The following DENND4A variants were observed in gnomAD, a reference collection of about 807,000 sequenced individuals.
The protein encoded by DENND4A is C-myc promoter-binding protein.
DENND4A carries 70 observed loss-of-function variants against 199.3 expected under a neutral mutation model. That is an observed-to-expected ratio of 0.35 (90% CI 0.29 to 0.43). The LOEUF is 0.43. Ranked by LOEUF, DENND4A falls within the 20% of genes least tolerant of loss-of-function variation. The pLI, the probability that DENND4A is intolerant of heterozygous loss-of-function variation, is 1.00. For synonymous variants in DENND4A, 686 were observed against 766.9 expected (o/e 0.89, Z 1.74); for missense variants, 1,723 against 2,255.8 (o/e 0.76, Z 4.78).
intron 1 of DENND4A, among the ~76,000 whole-genome samples, chr15:65,782,448 G>T (rs888988453): frequency 2.0e-5 from 3 of 151,878 alleles, no homozygotes; most frequent in African/African-American, 7.3e-5. Context: ...ACTACTCTTC[G>T]AACTTTTCTT....
chr15:65,714,543 T>C (rs561550439), intron 14 of DENND4A, among the ~76,000 whole-genome samples: 1 of 152,278 alleles, frequency 6.6e-6, no homozygotes, highest in African/African-American at 2.4e-5. Context: ...CTTCTTCACC[T>C]TAATGTGGTT....
intron 12 of DENND4A, chr15:65,719,096 G>A (rs1272639306): frequency 6.7e-6 from 1 of 149,094 alleles, no homozygotes; most frequent in East Asian, 2.0e-4. Context: ...CATGTTATGT[G>A]CACATACTTG....
chr15:65,714,084 C>T (rs1009504679), intron 14 of DENND4A, among the ~76,000 whole-genome samples: 10 of 152,110 alleles, frequency 6.6e-5, no homozygotes, highest in African/African-American at 2.4e-4. Context: ...TTCTTCACTT[C>T]TGTATTTGTA....
At chr15:65,724,481 C>T (rs1268679882) in intron 11 of DENND4A, among the ~76,000 whole-genome samples, 1 of 151,254 alleles carries the variant, frequency 6.6e-6, no homozygotes, top group East Asian at 1.9e-4. Flanking sequence ...CATATTTTAA[C>T]CACCACAGAA....
intron 12 of DENND4A, among the ~76,000 whole-genome samples, chr15:65,720,947 T>TAATATATATATATATATATATA: frequency 1.3e-5 from 1 of 76,268 alleles, no homozygotes; most frequent in African/African-American, 5.2e-5. Flanking sequence ...GTTTCATTGA[T>TAATATATATATATATATATATA]TATATATATA....
At chr15:65,771,536 A>G in intron 1 of DENND4A, 1 of 1,612,106 alleles carries the variant, frequency 6.2e-7, no homozygotes, top group Non-Finnish European at 8.5e-7. Flanking sequence ...CACGAGGATC[A>G]ATACAATTAT....
At position 65,661,765 on chromosome 15, in the gene DENND4A, G is replaced by T; in HGVS notation, c.*86C>A. 2 of 1,205,880 alleles carry T rather than the reference G, an allele frequency of 1.7e-6. No homozygotes were observed. Among genetic ancestry groups the T allele is most frequent in the Non-Finnish European group, 2.2e-6 (2 of 895,132 alleles). The allele number at this position is 1,205,880 out of a possible 1,614,324, so 74.7% of individuals were successfully genotyped here. ...TTTACAAATTGTATTTTCAAAAATTGAAGAAAAAATATTTAGAGTCTAAAA... is the reference window on the plus strand; with the variant it reads ...TTTACAAATTGTATTTTCAAAAATTTAAGAAAAAATATTTAGAGTCTAAAA... On this transcript the variant is annotated 3_prime_UTR_variant, in exon 33 of 33. Transcript: ENST00000443035.
intron 9 of DENND4A, among the ~76,000 whole-genome samples, chr15:65,731,121 C>A (rs766863002): frequency 5.9e-5 from 9 of 151,906 alleles, no homozygotes; most frequent in Admixed American, 1.3e-4. Flanking sequence ...CAGACTGTAA[C>A]CATTTCTCTG....
intron 1 of DENND4A, among the ~76,000 whole-genome samples, chr15:65,777,817 C>A (rs764860382): frequency 2.0e-5 from 3 of 152,140 alleles, no homozygotes. Flanking sequence ...GGGCAGATCA[C>A]AAGGTCAGGA....
chr15:65,758,587 C>T (rs943298251), intron 2 of DENND4A, among the ~76,000 whole-genome samples: 4 of 152,186 alleles, frequency 2.6e-5, no homozygotes, highest in Admixed American at 2.6e-4. Context: ...GTTGGGATTA[C>T]AGGTGTGAGC....
chr15:65,788,327 G>A (rs1381782284), intron 1 of DENND4A, among the ~76,000 whole-genome samples: 1 of 152,010 alleles, frequency 6.6e-6, no homozygotes, highest in Non-Finnish European at 1.5e-5. Context: ...CGCCCACCTC[G>A]GCCTCCCAAA....
chr15:65,696,170 C>T, intron 22 of DENND4A, 196 bp downstream of exon 22: 1 of 525,290 alleles, frequency 1.9e-6, no homozygotes, highest in East Asian at 4.6e-5. Flanking sequence ...TACCCCTATG[C>T]CTTGCTATAA....
At chr15:65,740,694 C>T (rs918117916) in intron 5 of DENND4A, among the ~76,000 whole-genome samples, 1 of 151,504 alleles carries the variant, frequency 6.6e-6, no homozygotes, top group African/African-American at 2.4e-5. Flanking sequence ...GGTATGGTGG[C>T]CCTCACCTGT....
At chr15:65,747,269 T>A (rs889435944) in intron 4 of DENND4A, among the ~76,000 whole-genome samples, 3 of 152,194 alleles carry the variant, frequency 2.0e-5, no homozygotes, top group Non-Finnish European at 4.4e-5. Context: ...CACTCTAAGT[T>A]CTCATCCAGC....
intron 25 of DENND4A, among the ~76,000 whole-genome samples, chr15:65,670,550 G>T (rs969936033): frequency 1.3e-5 from 2 of 152,160 alleles, no homozygotes; most frequent in Non-Finnish European, 2.9e-5. Flanking sequence ...ACCAGTACTG[G>T]TCTACAAACA....
At chr15:65,749,379 G>T (rs2076501007) in intron 4 of DENND4A, among the ~76,000 whole-genome samples, 1 of 152,174 alleles carries the variant, frequency 6.6e-6, no homozygotes, top group East Asian at 1.9e-4. Context: ...TATTCAGGGT[G>T]GTTGTGCAGA....
In DENND4A at chr15:65,703,019, A is replaced by AAAAAC. The variant is rs759409167; in HGVS notation, c.2088-16_2088-12dup. The AAAAAC allele has an allele frequency of 9.3e-6, 15 of 1,608,542 alleles. No individual in the cohort carries two copies. The highest frequency in any genetic ancestry group is 1.1e-5 in the Non-Finnish European group (13 of 1,178,048). On this transcript the variant is annotated splice_polypyrimidine_tract_variant and intron_variant, in intron 15 of 32. Transcript: ENST00000443035. ...GGAAATCCATTATAGCTGTTTTAGA[A>AAAAAC]AAAACAAAACAAAACAAAAAAGAGT...
chr15:65,706,629 G>A (rs993759363), intron 14 of DENND4A, among the ~76,000 whole-genome samples: 5 of 152,036 alleles, frequency 3.3e-5, no homozygotes, highest in Non-Finnish European at 5.9e-5. Flanking sequence ...CCAAGTAGCT[G>A]GGACTACAGG....
chr15:65,668,543 G>A (rs983773500), intron 27 of DENND4A, among the ~76,000 whole-genome samples: 17 of 152,000 alleles, frequency 1.1e-4, no homozygotes, highest in African/African-American at 3.9e-4. Context: ...CTAGATGGTC[G>A]GGCGAGGTGG....
Sources: allele counts gnomAD v4.1 joint callset (sites outside exome capture counted in the v4.1 genomes callset), GRCh38; gene constraint gnomAD v4.1.1; transcripts MANE v1.5; gene names NCBI Gene and HGNC (gene_info 2026-07-23, HGNC 2026-07-21).